Variants in DOCK1 observed in about 807,000 individuals in gnomAD.
DOCK1 encodes the protein dedicator of cytokinesis protein 1.
DOCK1 carries 138 observed loss-of-function variants against 262.7 expected under a neutral mutation model. That is an observed-to-expected ratio of 0.53 (90% CI 0.46 to 0.61). The LOEUF is 0.61. Among genes scored for constraint, DOCK1 ranks in the 20% least tolerant of loss-of-function variants. The pLI is 0.00. For synonymous variants in DOCK1, 866 were observed against 867.4 expected, an observed-to-expected ratio of 1.00 and a Z score of 0.03; for missense variants, 1,908 against 2,370.7, an observed-to-expected ratio of 0.80 and a Z score of 4.05.
At chr10:127,011,131 T>G (rs991221531) in intron 11 of DOCK1, among the ~76,000 whole-genome samples, 1 of 152,200 alleles carries the variant, frequency 6.6e-6, no homozygotes, top group African/African-American at 2.4e-5. Context: ...GTAACTCTTA[T>G]GTAATTTGTG....
intron 29 of DOCK1, among the ~76,000 whole-genome samples, chr10:127,262,721 C>G (rs144509986): frequency 1.1e-4 from 16 of 152,260 alleles, no homozygotes; most frequent in African/African-American, 3.9e-4. Flanking sequence ...CTGTACATTC[C>G]CATTCTTTGT....
chr10:127,289,198 C>T (rs2061265454), intron 29 of DOCK1, among the ~76,000 whole-genome samples: 1 of 152,128 alleles, frequency 6.6e-6, no homozygotes, highest in Non-Finnish European at 1.5e-5. Context: ...ACTTGTATTC[C>T]CATCCCTTTC....
chr10:127,396,189 A>T lies in DOCK1; in HGVS notation c.3928-6866A>T, dbSNP rs1010267299. Reference sequence around the variant, plus strand: ...GAATCCCGGGCCAGGTTACGGCTGCAGTGATGCTGGCTGCATTCAAGAATC... The same window carrying T: ...GAATCCCGGGCCAGGTTACGGCTGCTGTGATGCTGGCTGCATTCAAGAATC... On this transcript the variant is annotated intron_variant, in intron 38 of 51. Coordinates refer to ENST00000623213, the MANE Select transcript of DOCK1 (RefSeq NM_001290223.2). Among the ~76,000 whole-genome samples, 27 of 147,610 alleles carry T rather than the reference A, an allele frequency of 1.8e-4. 1 individual carries two copies. The highest frequency in any genetic ancestry group is 6.5e-4 in the African/African-American group (26 of 40,188).
At chr10:127,317,078 A>G (rs2062316183) in intron 29 of DOCK1, among the ~76,000 whole-genome samples, 1 of 151,968 alleles carries the variant, frequency 6.6e-6, no homozygotes. Flanking sequence ...TAGGAAAGCT[A>G]TTTTTGAGAC....
intron 19 of DOCK1, among the ~76,000 whole-genome samples, chr10:127,040,359 G>T (rs2043939836): frequency 6.6e-6 from 1 of 152,180 alleles, no homozygotes; most frequent in African/African-American, 2.4e-5. Flanking sequence ...ACATTTTCTG[G>T]TATAAAGTAA....
chr10:127,026,453 A>G (rs2042870632), intron 16 of DOCK1, 29 bp downstream of exon 16: 11 of 1,557,846 alleles, frequency 7.1e-6, no homozygotes, highest in Non-Finnish European at 9.6e-6. Context: ...TCTTCCCCCA[A>G]GTATTTTTAA....
chr10:126,942,699 C>A (rs2035112791), intron 1 of DOCK1, among the ~76,000 whole-genome samples: 3 of 152,106 alleles, frequency 2.0e-5, no homozygotes. Flanking sequence ...ACTGTAAATA[C>A]ACTCAATGTT....
chr10:126,939,211 T>A (rs1469264279), intron 1 of DOCK1, among the ~76,000 whole-genome samples: 1 of 152,154 alleles, frequency 6.6e-6, no homozygotes, highest in African/African-American at 2.4e-5. Context: ...AGGGGCCTGA[T>A]TCCATCCGTG....
rs1564965491 is a variant in DOCK1, at chr10:127,286,960, C to CCGCCTCCTGGGTT, written c.3044+29532_3044+29533insGCCTCCTGGGTTC. Reference sequence around the variant, plus strand: ...GCACAATCTCGGCTCACTGCAAGTTCCACCTCCTGGGTTCATGCCGTTCTC... The same window carrying CCGCCTCCTGGGTT: ...GCACAATCTCGGCTCACTGCAAGTTCCGCCTCCTGGGTTCACCTCCTGGGTTCATGCCGTTCTC... On this transcript the variant is annotated intron_variant, in intron 29 of 51. Coordinates refer to ENST00000623213, the MANE Select transcript of DOCK1 (RefSeq NM_001290223.2). 8.6e-5 allele frequency among the ~76,000 whole-genome samples: 13 copies of CCGCCTCCTGGGTT among 151,124 alleles called. 1 individual carries two copies. Among genetic ancestry groups the CCGCCTCCTGGGTT allele is most frequent in the African/African-American group, 3.2e-4 (13 of 41,042 alleles).
At chr10:127,098,207 A>T (rs2136158155) in intron 23 of DOCK1, among the ~76,000 whole-genome samples, 1 of 152,364 alleles carries the variant, frequency 6.6e-6, no homozygotes, top group South Asian at 2.1e-4. Flanking sequence ...TCACTGATTT[A>T]CAAAAATAAC....
chr10:127,290,749 A>G (rs1234554455), intron 29 of DOCK1, among the ~76,000 whole-genome samples: 1 of 152,226 alleles, frequency 6.6e-6, no homozygotes, highest in Non-Finnish European at 1.5e-5. Context: ...AGGTTGTTGT[A>G]TATAGCAATA....
intron 38 of DOCK1, among the ~76,000 whole-genome samples, chr10:127,388,746 G>A (rs1008166567): frequency 6.6e-6 from 1 of 152,126 alleles, no homozygotes; most frequent in African/African-American, 2.4e-5. Flanking sequence ...CAAAATGACA[G>A]TGTTCATGTC....
chr10:127,428,561 G>GGTGCCATGTGGATT (rs1341984673), intron 47 of DOCK1, among the ~76,000 whole-genome samples: 2 of 147,944 alleles, frequency 1.4e-5, no homozygotes, highest in East Asian at 4.0e-4. Flanking sequence ...TGTGGATTGG[G>GGTGCCATGTGGATT]GTGCCATGTG....
intron 27 of DOCK1, among the ~76,000 whole-genome samples, chr10:127,230,084 T>C (rs1209624315): frequency 6.6e-6 from 1 of 152,226 alleles, no homozygotes; most frequent in East Asian, 1.9e-4. Context: ...TGTCTGTCCA[T>C]TTCCTTTGCC....
intron 27 of DOCK1, among the ~76,000 whole-genome samples, chr10:127,162,365 A>G (rs2133688565): frequency 6.6e-6 from 1 of 152,342 alleles, no homozygotes; most frequent in South Asian, 2.1e-4. Flanking sequence ...TATATCTCTA[A>G]GAACATGATA....
chr10:127,439,886 G>C (rs760507181), intron 49 of DOCK1, among the ~76,000 whole-genome samples: 2 of 152,132 alleles, frequency 1.3e-5, no homozygotes, highest in Non-Finnish European at 2.9e-5. Context: ...TGAAACCCAG[G>C]AGCCGGCTCT....
At chr10:126,943,577 T>C (rs892167871) in intron 1 of DOCK1, among the ~76,000 whole-genome samples, 1,543 of 152,286 alleles carry the variant, frequency 0.01, 13 homozygotes, top group Middle Eastern at 0.027. Context: ...TCAGTAAATA[T>C]TTACCCTGTG....
At chr10:127,346,656 A>G (rs2063647683) in intron 31 of DOCK1, among the ~76,000 whole-genome samples, 1 of 152,204 alleles carries the variant, frequency 6.6e-6, no homozygotes, top group Admixed American at 6.5e-5. Context: ...GCTACTAAAG[A>G]AAACGTTTGC....
At chr10:126,949,864 G>A (rs1285301055) in intron 1 of DOCK1, among the ~76,000 whole-genome samples, 3 of 152,016 alleles carry the variant, frequency 2.0e-5, no homozygotes, top group Non-Finnish European at 4.4e-5. Context: ...AGTGGCCAGA[G>A]AGGCAAAGCT....
Sources: allele counts gnomAD v4.1 joint callset (sites outside exome capture counted in the v4.1 genomes callset), GRCh38; gene constraint gnomAD v4.1.1; transcripts MANE v1.5; gene names NCBI Gene and HGNC (gene_info 2026-07-23, HGNC 2026-07-21).